Variants in MYO3B observed in about 807,000 individuals in gnomAD.
MYO3B encodes the protein myosin IIIB, also known as myosin-IIIb.
In MYO3B, 156 loss-of-function variants were observed where a neutral mutation model predicts 174.6. The ratio of observed to expected loss-of-function variants is 0.89; its 90% CI spans 0.78 to 1.02. The LOEUF is 1.02. Among genes scored for constraint, MYO3B ranks in the 50% least tolerant of loss-of-function variants. The pLI, the probability that MYO3B is intolerant of heterozygous loss-of-function variation, is 0.00. For missense variants in MYO3B, 1,632 were observed against 1,639.4 expected (o/e 1.00, Z 0.08); for synonymous variants, 563 against 569.1 (o/e 0.99, Z 0.15).
chr2:170,415,616 G>A (rs555108222), intron 22 of MYO3B, among the ~76,000 whole-genome samples: 2 of 152,206 alleles, frequency 1.3e-5, no homozygotes, highest in South Asian at 2.1e-4. Context: ...CCAAATCGAC[G>A]CATCCACCCG....
chr2:170,363,430 T>C (rs1381379509), intron 8 of MYO3B, among the ~76,000 whole-genome samples: 1 of 152,144 alleles, frequency 6.6e-6, no homozygotes, highest in Non-Finnish European at 1.5e-5. Flanking sequence ...TTTTTGGTTA[T>C]GAAATGGCAG....
chr2:170,547,521 G>A (rs766183145), intron 32 of MYO3B, among the ~76,000 whole-genome samples: 1 of 151,976 alleles, frequency 6.6e-6, no homozygotes, highest in Non-Finnish European at 1.5e-5. Context: ...TAATGCAAAT[G>A]GTTATACTTT....
chr2:170,254,878 G>A (rs748184718), intron 7 of MYO3B, among the ~76,000 whole-genome samples: 17 of 152,186 alleles, frequency 1.1e-4, no homozygotes, highest in Non-Finnish European at 2.2e-4. Flanking sequence ...CTGAACACCT[G>A]GAATCGTGCA....
intron 7 of MYO3B, among the ~76,000 whole-genome samples, chr2:170,313,403 G>A (rs900418764): frequency 6.6e-6 from 1 of 152,128 alleles, no homozygotes; most frequent in African/African-American, 2.4e-5. Flanking sequence ...TAAAGGTTAG[G>A]GGTTGGGGTT....
At chr2:170,185,468 G>T (rs1428145135) in intron 1 of MYO3B, among the ~76,000 whole-genome samples, 1 of 152,012 alleles carries the variant, frequency 6.6e-6, no homozygotes, top group Non-Finnish European at 1.5e-5. Flanking sequence ...GCATTGATTT[G>T]TTTCTGTGTT....
chr2:170,609,659 T>G (rs1011938058), intron 32 of MYO3B, among the ~76,000 whole-genome samples: 1 of 152,254 alleles, frequency 6.6e-6, no homozygotes, highest in African/African-American at 2.4e-5. Flanking sequence ...TCTTTCTCCC[T>G]ATGGTTCAAT....
chr2:170,266,235 A>G (rs927960812), intron 7 of MYO3B, among the ~76,000 whole-genome samples: 4 of 152,218 alleles, frequency 2.6e-5, no homozygotes, highest in African/African-American at 9.6e-5. Flanking sequence ...GCTTGGCCTA[A>G]TACAAGATTA....
chr2:170,534,316 C>T (rs1438623834), intron 30 of MYO3B, among the ~76,000 whole-genome samples: 1 of 152,032 alleles, frequency 6.6e-6, no homozygotes, highest in Non-Finnish European at 1.5e-5. Flanking sequence ...ACTGGGAAGC[C>T]AAAAAATGTG....
intron 6 of MYO3B, among the ~76,000 whole-genome samples, chr2:170,226,326 C>A (rs984476508): frequency 3.4e-4 from 52 of 152,220 alleles, no homozygotes; most frequent in African/African-American, 1.2e-3. Context: ...ATTCCGTAAC[C>A]TTTTGCTGTT....
intron 8 of MYO3B, among the ~76,000 whole-genome samples, chr2:170,354,723 G>C (rs1439512540): frequency 1.3e-5 from 2 of 152,064 alleles, no homozygotes; most frequent in Non-Finnish European, 2.9e-5. Flanking sequence ...GCAAATTAAA[G>C]GCTTGGTTGC....
intron 22 of MYO3B, among the ~76,000 whole-genome samples, chr2:170,422,010 T>C (rs2094619221): frequency 6.6e-6 from 1 of 152,226 alleles, no homozygotes; most frequent in Non-Finnish European, 1.5e-5. Flanking sequence ...AGTCAGGAGA[T>C]AAGCTAAGAG....
chr2:170,624,762 GT>G (rs1463156982), intron 32 of MYO3B, among the ~76,000 whole-genome samples: 2 of 152,148 alleles, frequency 1.3e-5, no homozygotes, highest in Non-Finnish European at 2.9e-5. Flanking sequence ...TTTATTGAGA[GT>G]TTTTAGCATA....
At chr2:170,499,879 C>T in intron 27 of MYO3B, 71 bp downstream of exon 27, 1 of 1,454,396 alleles carries the variant, frequency 6.9e-7, no homozygotes, top group South Asian at 1.3e-5. Flanking sequence ...GAATACTCAA[C>T]TGTTTCTCTT....
chr2:170,277,063 G>A (rs1271477753), intron 7 of MYO3B, among the ~76,000 whole-genome samples: 1 of 152,136 alleles, frequency 6.6e-6, no homozygotes, highest in African/African-American at 2.4e-5. Flanking sequence ...TGCTGACAAG[G>A]TCAGTGCTGG....
chr2:170,405,576 C>A lies in MYO3B; in HGVS notation c.2463C>A (p.Tyr821Ter), dbSNP rs925572107. The A allele has an allele frequency of 6.2e-7, 1 of 1,614,022 alleles. No homozygotes were observed. Among genetic ancestry groups the A allele is most frequent in the Non-Finnish European group, 8.5e-7 (1 of 1,180,010 alleles). The change falls in exon 21 of 35, where the codon TAC becomes TAA. Residue 821 changes from tyrosine (Y) to a stop codon, truncating the protein, a stop_gained. Coordinates refer to ENST00000408978, the MANE Select transcript of MYO3B (RefSeq NM_138995.5). LOFTEE classifies it high-confidence loss of function. Reference protein sequence around the residue: ...DKFEDNLRCKYFWRPKGVELC... With the variant: ...DKFEDNLRCK ...TTGAAGATAATCTACGATGCAAATA[C>A]TTCTGGAGGCCCAAAGGAGTGGAAC... is the stretch of plus-strand genomic sequence containing the variant.
chr2:170,357,989 C>T (rs563103262), intron 8 of MYO3B, among the ~76,000 whole-genome samples: 2 of 152,096 alleles, frequency 1.3e-5, no homozygotes, highest in South Asian at 2.1e-4. Flanking sequence ...TCCGTCTCTA[C>T]TAAAAATACA....
At chr2:170,271,927 CAGG>C (rs2093427789) in intron 7 of MYO3B, among the ~76,000 whole-genome samples, 1 of 151,828 alleles carries the variant, frequency 6.6e-6, no homozygotes, top group Non-Finnish European at 1.5e-5. Context: ...TATTTGTATT[CAGG>C]TTTCAGTATA....
At chr2:170,649,330 T>A (rs868399872) in intron 32 of MYO3B, among the ~76,000 whole-genome samples, 29 of 89,952 alleles carry the variant, frequency 3.2e-4, no homozygotes, top group African/African-American at 1.2e-3. Context: ...AATAATATAA[T>A]ATATATTATA....
rs770206093 is a variant in MYO3B at position 170,391,598 on chromosome 2, T to G, written c.1656T>G (p.Leu552=). 6.3e-7 allele frequency: 1 copy of G among 1,586,044 alleles called. No individual in the cohort carries two copies. The highest frequency in any genetic ancestry group is 8.6e-7 in the Non-Finnish European group (1 of 1,168,254). ...HHQKKLSDFR[L]PEEKPPRYIA... Reference sequence around the variant, plus strand: ...AAAAGAAGCTTTCTGATTTCAGACTTCCTGAGGAAAAACCTCCTAGGTAAG... The same window carrying G: ...AAAAGAAGCTTTCTGATTTCAGACTGCCTGAGGAAAAACCTCCTAGGTAAG... Residue 552 remains leucine, a synonymous_variant, in exon 15 of 35, where the codon CTT becomes CTG. Transcript: ENST00000408978.
Sources: gnomAD v4.1 joint callset for allele counts (sites outside exome capture counted in the v4.1 genomes callset) on GRCh38, gnomAD v4.1.1 for gene constraint, MANE v1.5 for transcripts, NCBI Gene and HGNC (gene_info 2026-07-23, HGNC 2026-07-21) for gene names.